NUF2: variants seen among roughly 807,000 people sequenced by gnomAD.
NUF2 encodes kinetochore protein Nuf2.
NUF2 carries 34 observed loss-of-function variants against 61.8 expected under a neutral mutation model. That is an observed-to-expected ratio of 0.55 (90% CI 0.42 to 0.73). The LOEUF (loss-of-function observed/expected upper bound fraction) is 0.73. Ranked by LOEUF, NUF2 falls within the 30% of genes least tolerant of loss-of-function variation. NUF2 has a pLI of 0.00. For synonymous variants in NUF2, 172 were observed against 181.6 expected, an observed-to-expected ratio of 0.95 and a Z score of 0.42; for missense variants, 445 against 539.1, an observed-to-expected ratio of 0.83 and a Z score of 1.73.
intron 10 of NUF2, among the ~76,000 whole-genome samples, chr1:163,345,395 T>C (rs549759040): frequency 6.6e-6 from 1 of 152,314 alleles, no homozygotes; most frequent in African/African-American, 2.4e-5. Context: ...AAATAAACTA[T>C]TTTAATATCA....
rs1650238183 is a variant in NUF2, at chr1:163,322,029, C to G, written c.-204C>G. The G allele has an allele frequency of 6.6e-6, 1 of 152,254 alleles. No homozygotes were observed. Among genetic ancestry groups the G allele is most frequent in the South Asian group, 2.1e-4 (1 of 4,830 alleles). 9.4% of individuals were successfully genotyped at this position (152,254 alleles called of 1,614,324 possible). A position where few individuals can be genotyped will look rare whatever the true frequency, so the allele number is the denominator to read the frequency against. ...TTTGACTTTGCTTGTAGCTGCTCCCCGAACTCGCCGTCTTCCTGTCGGCGG... is the reference window on the plus strand; with the variant it reads ...TTTGACTTTGCTTGTAGCTGCTCCCGGAACTCGCCGTCTTCCTGTCGGCGG... On this transcript the variant is annotated 5_prime_UTR_variant, in exon 1 of 14. Coordinates refer to ENST00000271452, the MANE Select transcript of NUF2 (RefSeq NM_145697.3).
intron 7 of NUF2, 104 bp from the exon 8 acceptor site, chr1:163,339,277 A>G: frequency 1.4e-6 from 1 of 692,272 alleles, no homozygotes; most frequent in East Asian, 2.7e-5. Context: ...ATTCAGAAAC[A>G]TAAAAGTAGA....
intron 3 of NUF2, 77 bp downstream of exon 3, chr1:163,327,639 C>T: frequency 1.2e-6 from 1 of 866,484 alleles, no homozygotes; most frequent in Non-Finnish European, 2.0e-6. Flanking sequence ...GTTCTGCTTA[C>T]AATGCATACT....
At chr1:163,326,303 G>T in intron 2 of NUF2, 129 bp downstream of exon 2, 39 of 722,368 alleles carry the variant, frequency 5.4e-5, no homozygotes, top group Non-Finnish European at 7.7e-5. Flanking sequence ...CATTGAGAGA[G>T]AATCTCTCAC....
intron 13 of NUF2, 56 bp from the exon 14 acceptor site, chr1:163,355,279 T>C: frequency 7.4e-7 from 1 of 1,344,172 alleles, no homozygotes; most frequent in African/African-American, 1.5e-5. Context: ...TATAACTCAT[T>C]TGTAGTTTAG....
intron 1 of NUF2, among the ~76,000 whole-genome samples, chr1:163,323,985 A>G (rs201621320): frequency 7.2e-5 from 2 of 27,630 alleles, no homozygotes; most frequent in Non-Finnish European, 3.8e-4. Context: ...AGCAGAGGCC[A>G]TTATACTGTG....
At chr1:163,332,103 A>G (rs1650616197) in intron 5 of NUF2, among the ~76,000 whole-genome samples, 1 of 151,848 alleles carries the variant, frequency 6.6e-6, no homozygotes, top group Non-Finnish European at 1.5e-5. Context: ...TTCCTAATAT[A>G]GGTATTTATT....
chr1:163,343,180 G>C lies in NUF2; in HGVS notation c.670-553G>C, dbSNP rs577625423. ...AGCATGTAGTGAGCACCTTCTCAGT[G>C]CTATAGCTTTGTTTGGGTACTGGGA... On this transcript the variant is annotated intron_variant, in intron 9 of 13. Transcript: ENST00000271452. Among the ~76,000 whole-genome samples the C allele has an allele frequency of 2.0e-5, 3 of 152,254 alleles. No homozygotes were observed. The South Asian group carries it at 6.2e-4, about 32-fold the overall frequency.
rs1651187455 is a variant in NUF2, at chr1:163,347,928, A to G, written c.1114A>G (p.Thr372Ala). 1 of 1,582,636 alleles carries G rather than the reference A, an allele frequency of 6.3e-7. No homozygotes were observed. The highest frequency in any genetic ancestry group is 1.2e-5 in the South Asian group (1 of 84,636). Residue 372 changes from threonine to alanine, a missense_variant, in exon 12 of 14, where the codon ACA (threonine) becomes GCA (alanine). By Grantham distance (58) the Thr-to-Ala change is moderately conservative. Coordinates refer to ENST00000271452, the MANE Select transcript of NUF2 (RefSeq NM_145697.3). ...KHEDVKQYKRTVIEDCNKVQE... is the reference protein window; with the variant it reads ...KHEDVKQYKRAVIEDCNKVQE... ...TGAAGATGTTAAGCAATACAAACGC[A>G]CAGTAATTGAGTATGGAGTTGTTTT...
intron 1 of NUF2, chr1:163,323,003 A>G (rs1650288056): frequency 6.6e-6 from 1 of 152,256 alleles, no homozygotes; most frequent in African/African-American, 2.4e-5. Context: ...AGTTTGGGAA[A>G]GTTAGGAGAC....
At chr1:163,331,923 G>A (rs568233317) in intron 5 of NUF2, among the ~76,000 whole-genome samples, 1 of 151,230 alleles carries the variant, frequency 6.6e-6, no homozygotes, top group Admixed American at 6.6e-5. Flanking sequence ...CAAAGAACTA[G>A]CTTTTGACTT....
At chr1:163,330,196 GATA>G (rs1650550027) in intron 5 of NUF2, among the ~76,000 whole-genome samples, 1 of 152,170 alleles carries the variant, frequency 6.6e-6, no homozygotes, top group Non-Finnish European at 1.5e-5. Context: ...AATTTGGGAT[GATA>G]ATGATGTGTC....
chr1:163,339,580 A>G (rs931004123), intron 8 of NUF2, 103 bp downstream of exon 8: 25 of 660,530 alleles, frequency 3.8e-5, no homozygotes, highest in Non-Finnish European at 5.3e-5. Flanking sequence ...TCTATTACCA[A>G]AGAAACAGAA....
intron 1 of NUF2, among the ~76,000 whole-genome samples, chr1:163,324,681 A>G (rs756905684): frequency 6.6e-6 from 1 of 152,146 alleles, no homozygotes; most frequent in Non-Finnish European, 1.5e-5. Flanking sequence ...GCTGAGAGCA[A>G]TAACAGTGGC....
chr1:163,332,528 CA>C (rs1277041759), intron 5 of NUF2, among the ~76,000 whole-genome samples: 7 of 152,082 alleles, frequency 4.6e-5, no homozygotes, highest in Non-Finnish European at 1.5e-5. Flanking sequence ...GAGCCAAAAC[CA>C]AGGTGTTACT....
chr1:163,336,557 CTTT>C (rs928429826), intron 5 of NUF2, among the ~76,000 whole-genome samples, 191 bp from the exon 6 acceptor site: 1 of 150,646 alleles, frequency 6.6e-6, no homozygotes, highest in Non-Finnish European at 1.5e-5. Flanking sequence ...AGTGGTTTAC[CTTT>C]TTTTTTAAAG....
intron 5 of NUF2, 113 bp from the exon 6 acceptor site, chr1:163,336,638 A>G: frequency 1.5e-6 from 1 of 664,902 alleles, no homozygotes; most frequent in Non-Finnish European, 2.6e-6. Flanking sequence ...TATATCCTAT[A>G]CAGTTTTATT....
At position 163,340,465 on chromosome 1, in the gene NUF2, A is replaced by G. The variant is rs773511205; in HGVS notation, c.669+39A>G. 30 of 1,478,734 alleles carry G rather than the reference A, an allele frequency of 2.0e-5. 1 individual carries two copies. The South Asian group carries it at 3.5e-4, about 17-fold the overall frequency. The allele number at this position is 1,478,734 out of a possible 1,614,324, so 91.6% of individuals were successfully genotyped here. A position where few individuals can be genotyped will look rare whatever the true frequency, so the allele number is the denominator to read the frequency against. ...CTTTTCACTAGCATTTAAAGTTTGA[A>G]TATATTGTGTGGAGGAGTATTTTAG... On this transcript the variant is annotated intron_variant, in intron 9 of 13. Transcript: ENST00000271452.
At chr1:163,343,983 C>T (rs1651034316) in intron 10 of NUF2, 113 bp downstream of exon 10, 6 of 549,274 alleles carry the variant, frequency 1.1e-5, no homozygotes, top group South Asian at 1.4e-4. Context: ...TTCTCTTCCT[C>T]TTAAACTTTT....
Sources: allele counts gnomAD v4.1 joint callset (sites outside exome capture counted in the v4.1 genomes callset), GRCh38; gene constraint gnomAD v4.1.1; transcripts MANE v1.5; gene names NCBI Gene and HGNC (gene_info 2026-07-23, HGNC 2026-07-21).